DNAAF11: variants seen among roughly 807,000 people sequenced by gnomAD.
DNAAF11 encodes leucine rich repeat containing 6.
Under a neutral mutation model 60.8 loss-of-function variants are expected in DNAAF11, and 45 were observed. The observed-to-expected ratio is 0.74, with a 90% confidence interval of 0.58 to 0.95. The LOEUF is 0.95. Ranked by LOEUF, DNAAF11 falls within the 40% of genes least tolerant of loss-of-function variation. DNAAF11 has a pLI of 0.00. For missense variants in DNAAF11, 546 were observed against 546.2 expected (o/e 1.00, Z 0.00); for synonymous variants, 191 against 183.5 (o/e 1.04, Z -0.33).
At chr8:132,664,784 G>C (rs1824466338) in intron 1 of DNAAF11, among the ~76,000 whole-genome samples, 1 of 152,038 alleles carries the variant, frequency 6.6e-6, no homozygotes, top group South Asian at 2.1e-4. Flanking sequence ...TCTTCATCAA[G>C]GTATTACGTG....
At chr8:132,661,326 T>A in intron 2 of DNAAF11, 134 bp downstream of exon 2, 1 of 717,138 alleles carries the variant, frequency 1.4e-6, no homozygotes, top group Non-Finnish European at 2.2e-6. Flanking sequence ...ACACAACCAC[T>A]GAGAGATGGC....
intron 5 of DNAAF11, 126 bp downstream of exon 5, chr8:132,632,614 T>C (rs1056435827): frequency 2.0e-5 from 14 of 693,506 alleles, no homozygotes; most frequent in Middle Eastern, 3.0e-4. Flanking sequence ...CCATCCAAAA[T>C]TCACATCATA....
At chr8:132,605,351 G>A (rs1057275427) in intron 10 of DNAAF11, among the ~76,000 whole-genome samples, 61 of 151,974 alleles carry the variant, frequency 4.0e-4, no homozygotes, top group Admixed American at 2.6e-4. Context: ...TTTCAGAGGC[G>A]GAATTTGAGA....
At chr8:132,610,797 CA>C (rs1203746833) in intron 9 of DNAAF11, among the ~76,000 whole-genome samples, 2 of 152,162 alleles carry the variant, frequency 1.3e-5, no homozygotes, top group African/African-American at 2.4e-5. Context: ...CAGCCATTCC[CA>C]CCTTATACCA....
chr8:132,619,563 G>A (rs547944672), intron 7 of DNAAF11, among the ~76,000 whole-genome samples: 42 of 152,256 alleles, frequency 2.8e-4, no homozygotes, highest in Admixed American at 5.2e-4. Context: ...ATATGGCTAA[G>A]GAAATTTCAG....
chr8:132,596,074 A>G (rs1816988592), intron 10 of DNAAF11, among the ~76,000 whole-genome samples: 1 of 152,220 alleles, frequency 6.6e-6, no homozygotes, highest in Non-Finnish European at 1.5e-5. Flanking sequence ...GCAGGTCTGC[A>G]GAAGGAAATC....
chr8:132,622,759 C>A, intron 6 of DNAAF11, 71 bp from the exon 7 acceptor site: 1 of 1,025,174 alleles, frequency 9.8e-7, no homozygotes, highest in Non-Finnish European at 1.5e-6. Context: ...AATATAAAAG[C>A]AATTAATACA....
the DNAAF11 span, among the ~76,000 whole-genome samples, chr8:132,689,422 T>A: frequency 6.6e-6 from 1 of 152,192 alleles, no homozygotes; most frequent in Non-Finnish European, 1.5e-5. Context: ...TAAATTGATA[T>A]ATGCTTATTA....
chr8:132,575,918 C>T lies in DNAAF11; in HGVS notation c.1227-3438G>A, dbSNP rs373387110. Among the ~76,000 whole-genome samples the T allele has an allele frequency of 5.1e-4, 77 of 152,104 alleles. 1 individual carries two copies. Among genetic ancestry groups the T allele is most frequent in the African/African-American group, 1.5e-3 (64 of 41,504 alleles). ...GGGTAAGGTAATCTGTTGGGGAGGC[C>T]GCCTGGAGAACTGTTTAAGGTAAGA... is the stretch of plus-strand genomic sequence containing the variant. On this transcript the variant is annotated intron_variant, in intron 11 of 11. Transcript: ENST00000620350.
At chr8:132,626,617 C>T (rs1820309092) in intron 5 of DNAAF11, among the ~76,000 whole-genome samples, 1 of 152,128 alleles carries the variant, frequency 6.6e-6, no homozygotes, top group South Asian at 2.1e-4. Flanking sequence ...ACATAAACCA[C>T]GATGCTACTT....
intron 7 of DNAAF11, among the ~76,000 whole-genome samples, chr8:132,619,742 A>T (rs992948813): frequency 1.3e-5 from 2 of 152,210 alleles, no homozygotes; most frequent in African/African-American, 4.8e-5. Context: ...AAAGATTTTT[A>T]GAATTTGTTT....
At chr8:132,581,237 A>G (rs1402059058) in intron 11 of DNAAF11, among the ~76,000 whole-genome samples, 1 of 152,248 alleles carries the variant, frequency 6.6e-6, no homozygotes, top group Non-Finnish European at 1.5e-5. Flanking sequence ...ACCTCAGGGC[A>G]GGATGGAATT....
chr8:132,629,943 T>C (rs1479968546), intron 5 of DNAAF11, among the ~76,000 whole-genome samples: 2 of 152,180 alleles, frequency 1.3e-5, no homozygotes, highest in Non-Finnish European at 2.9e-5. Context: ...TGAAAGATGG[T>C]TTAAGACTTT....
At chr8:132,701,714 C>A in the DNAAF11 span, among the ~76,000 whole-genome samples, 2 of 152,180 alleles carry the variant, frequency 1.3e-5, no homozygotes. Context: ...CCATCTTGCC[C>A]CCAGGTTGGG....
the DNAAF11 span, among the ~76,000 whole-genome samples, chr8:132,699,091 T>G: frequency 6.7e-6 from 1 of 149,922 alleles, no homozygotes; most frequent in African/African-American, 2.5e-5. Context: ...ATCACACCAC[T>G]GCACTCCAGC....
rs1000462413 is a variant in DNAAF11 at position 132,606,753 on chromosome 8, C to T, written c.1140+3413G>A. ...TGGTCTCAAGCTCCTGGGCTCCTGC[C>T]CCAACCTTCCAAAGCGCTGAGATTA... On this transcript the variant is annotated intron_variant, in intron 10 of 11. Transcript: ENST00000620350. Among the ~76,000 whole-genome samples the T allele has an allele frequency of 4.5e-4, 68 of 152,218 alleles. 1 individual carries two copies. Among genetic ancestry groups the T allele is most frequent in the African/African-American group, 1.6e-3 (67 of 41,536 alleles).
intron 10 of DNAAF11, among the ~76,000 whole-genome samples, chr8:132,602,768 T>TATATATATATATATATATATAC (rs1491214082): frequency 6.8e-6 from 1 of 146,668 alleles, no homozygotes. Context: ...TATATATATA[T>TATATATATATATATATATATAC]ACACACAGCA....
At position 132,625,254 on chromosome 8, in the gene DNAAF11, T is replaced by C. The variant is rs201428444; in HGVS notation, c.836+18A>G. The C allele has an allele frequency of 8.0e-4, 1,265 of 1,573,528 alleles. 1 individual carries two copies. Among genetic ancestry groups the C allele is most frequent in the Non-Finnish European group, 1.1e-3 (1,222 of 1,157,970 alleles). ...ATAAGTGGCTACTGCTTCCCTCTCC[T>C]AGGAAAGAATGAAATACCTTAATTT... On this transcript the variant is annotated intron_variant, in intron 6 of 11. Transcript: ENST00000620350.
chr8:132,636,669 G>A (rs967212215), intron 4 of DNAAF11, among the ~76,000 whole-genome samples: 2 of 152,240 alleles, frequency 1.3e-5, no homozygotes, highest in African/African-American at 4.8e-5. Context: ...CCAAGGGAAC[G>A]GCTCACAGCA....
Sources: gnomAD v4.1 joint callset for allele counts (sites outside exome capture counted in the v4.1 genomes callset) on GRCh38, gnomAD v4.1.1 for gene constraint, MANE v1.5 for transcripts, NCBI Gene and HGNC (gene_info 2026-07-23, HGNC 2026-07-21) for gene names.